FAM13A: variants seen among roughly 807,000 people sequenced by gnomAD.
FAM13A encodes protein FAM13A.
In FAM13A, 76 loss-of-function variants were observed where a neutral mutation model predicts 129.6. That is an observed-to-expected ratio of 0.59 (90% confidence interval 0.49 to 0.71). The LOEUF is 0.71. FAM13A is among the 30% of genes least tolerant of loss of function. FAM13A has a pLI of 0.00. For synonymous variants in FAM13A, 443 were observed against 449.9 expected, an observed-to-expected ratio of 0.98 and a Z score of 0.20; for missense variants, 1,108 against 1,249.3, an observed-to-expected ratio of 0.89 and a Z score of 1.70.
intron 6 of FAM13A, among the ~76,000 whole-genome samples, chr4:88,863,616 C>T (rs1739887020): frequency 6.6e-6 from 1 of 152,136 alleles, no homozygotes; most frequent in South Asian, 2.1e-4. Flanking sequence ...AGTCTTGTGG[C>T]ATTTGACTTG....
intron 17 of FAM13A, 34 bp downstream of exon 17, chr4:88,748,918 T>C (rs781504948): frequency 1.4e-6 from 2 of 1,474,574 alleles, no homozygotes; most frequent in Non-Finnish European, 1.9e-6. Context: ...CCTGGCTTGT[T>C]GTACAGAAGC....
intron 2 of FAM13A, among the ~76,000 whole-genome samples, chr4:89,027,897 A>G (rs991654319): frequency 1.3e-5 from 2 of 152,018 alleles, no homozygotes; most frequent in African/African-American, 4.8e-5. Context: ...TGAGAAGGCT[A>G]CACCATTTAA....
At chr4:88,994,376 G>A (rs1763278594) in intron 3 of FAM13A, among the ~76,000 whole-genome samples, 2 of 152,098 alleles carry the variant, frequency 1.3e-5, no homozygotes, top group South Asian at 4.1e-4. Flanking sequence ...TACCATTACT[G>A]CCAGCCTGCT....
intron 1 of FAM13A, among the ~76,000 whole-genome samples, chr4:89,047,314 CTT>C (rs1185928841): frequency 6.6e-6 from 1 of 152,024 alleles, no homozygotes; most frequent in African/African-American, 2.4e-5. Flanking sequence ...ATTTTCTCCT[CTT>C]AAGTTACCTG....
At chr4:88,764,195 C>CT (rs972613537) in intron 13 of FAM13A, among the ~76,000 whole-genome samples, 115 of 151,630 alleles carry the variant, frequency 7.6e-4, no homozygotes, top group Non-Finnish European at 1.3e-3. Flanking sequence ...TGGAACTAGT[C>CT]TTTTTTTTTA....
At chr4:88,772,025 C>T (rs115603718) in intron 11 of FAM13A, among the ~76,000 whole-genome samples, 1 of 152,164 alleles carries the variant, frequency 6.6e-6, no homozygotes, top group Non-Finnish European at 1.5e-5. Context: ...ACCTGTTTGA[C>T]CACTGACTGA....
intron 2 of FAM13A, 97 bp from the exon 3 acceptor site, chr4:89,020,766 G>A: frequency 1.3e-6 from 1 of 784,262 alleles, no homozygotes; most frequent in Non-Finnish European, 2.2e-6. Flanking sequence ...CTCAGCATAT[G>A]ATTCTCTCAA....
At position 89,046,001 on chromosome 4, in the gene FAM13A, GCAA is replaced by G. The variant is rs1770799910; in HGVS notation, c.27+10934_27+10936del. ...ATTGCGCCATCGCACTCCAGCCTGGGCAACAAGAGCGAAACTCCATCTCAAAAA... is the reference window on the plus strand; with the variant it reads ...ATTGCGCCATCGCACTCCAGCCTGGGCAAGAGCGAAACTCCATCTCAAAAA... On this transcript the variant is annotated intron_variant, in intron 1 of 23. Transcript: ENST00000264344. Among the ~76,000 whole-genome samples, 3 of 139,106 alleles carry G rather than the reference GCAA, an allele frequency of 2.2e-5. No homozygotes were observed. The Middle Eastern group carries it at 0.013, about 584-fold the overall frequency. The allele number at this position is 139,106 out of a possible 152,430, so 91.3% of individuals were successfully genotyped here. A position where few individuals can be genotyped will look rare whatever the true frequency, so the allele number is the denominator to read the frequency against.
intron 4 of FAM13A, among the ~76,000 whole-genome samples, chr4:88,946,564 A>G (rs1755918962): frequency 2.0e-5 from 3 of 152,086 alleles, no homozygotes; most frequent in Admixed American, 2.0e-4. Context: ...AAAAGAAAAT[A>G]AGGAATCTGT....
intron 6 of FAM13A, among the ~76,000 whole-genome samples, chr4:88,905,300 A>T (rs1747965613): frequency 6.6e-6 from 1 of 151,662 alleles, no homozygotes; most frequent in South Asian, 2.1e-4. Context: ...ATCCTGGCTA[A>T]TTTTTTTTGT....
In FAM13A at chr4:88,844,899, G is replaced by T. The variant is rs372405823; in HGVS notation, c.1007+6121C>A. On this transcript the variant is annotated intron_variant, in intron 7 of 23. Coordinates refer to ENST00000264344, the MANE Select transcript of FAM13A (RefSeq NM_014883.4). ...GACAGGGGTAAGGAGTAGGGGAAGGGTTTGGGTTATCTGAGGGACTGGGAA... is the reference window on the plus strand; with the variant it reads ...GACAGGGGTAAGGAGTAGGGGAAGGTTTTGGGTTATCTGAGGGACTGGGAA... 1.7e-3 allele frequency among the ~76,000 whole-genome samples: 253 copies of T among 152,254 alleles called. 2 individuals are homozygous for T. Among genetic ancestry groups the T allele is most frequent in the African/African-American group, 5.5e-3 (230 of 41,570 alleles).
chr4:88,776,510 C>T (rs919576470), intron 11 of FAM13A, among the ~76,000 whole-genome samples: 1 of 152,082 alleles, frequency 6.6e-6, no homozygotes, highest in Non-Finnish European at 1.5e-5. Context: ...ATTATATAAT[C>T]TTCATAACTA....
intron 13 of FAM13A, among the ~76,000 whole-genome samples, chr4:88,760,841 C>G (rs113366588): frequency 7.0e-6 from 1 of 141,964 alleles, no homozygotes; most frequent in East Asian, 2.4e-4. Flanking sequence ...GCCTGGGTTG[C>G]GGGGGAGGGG....
intron 6 of FAM13A, among the ~76,000 whole-genome samples, chr4:88,868,244 A>T (rs1429998918): frequency 6.6e-6 from 1 of 152,158 alleles, no homozygotes; most frequent in Non-Finnish European, 1.5e-5. Context: ...ACATTATCTT[A>T]AAATCTCACA....
intron 7 of FAM13A, among the ~76,000 whole-genome samples, chr4:88,841,483 G>A: frequency 9.3e-6 from 1 of 107,770 alleles, no homozygotes; most frequent in South Asian, 3.4e-4. Context: ...GACAGAGTGA[G>A]ACTCTGTCTC....
chr4:88,824,130 T>C (rs1020239736), intron 7 of FAM13A, among the ~76,000 whole-genome samples: 3 of 152,214 alleles, frequency 2.0e-5, no homozygotes, highest in African/African-American at 7.2e-5. Context: ...TTTAGGAACA[T>C]AAATCCTAAT....
intron 10 of FAM13A, among the ~76,000 whole-genome samples, chr4:88,786,978 A>T (rs1441388585): frequency 6.6e-6 from 1 of 152,066 alleles, no homozygotes; most frequent in African/African-American, 2.4e-5. Context: ...ATTAAACCAT[A>T]AAGAGGCTAA....
chr4:88,840,135 T>C (rs1189086876), intron 7 of FAM13A, among the ~76,000 whole-genome samples: 2 of 152,220 alleles, frequency 1.3e-5, no homozygotes, highest in Non-Finnish European at 2.9e-5. Flanking sequence ...ACTGTAATGT[T>C]ACATTAAGCA....
intron 1 of FAM13A, among the ~76,000 whole-genome samples, chr4:89,034,954 A>C (rs1454372396): frequency 6.6e-6 from 1 of 152,240 alleles, no homozygotes; most frequent in African/African-American, 2.4e-5. Flanking sequence ...ACTGTTCATA[A>C]TATCAAAGAC....
Sources: gnomAD v4.1 joint callset for allele counts (sites outside exome capture counted in the v4.1 genomes callset) on GRCh38, gnomAD v4.1.1 for gene constraint, MANE v1.5 for transcripts, NCBI Gene and HGNC (gene_info 2026-07-23, HGNC 2026-07-21) for gene names.